Variants in ZDHHC13 observed in about 807,000 individuals in gnomAD.
ZDHHC13 encodes palmitoyltransferase ZDHHC13.
A neutral mutation model predicts 86.0 loss-of-function variants in ZDHHC13; 85 were observed. The observed-to-expected ratio is 0.99, with a 90% CI of 0.83 to 1.18. The LOEUF (loss-of-function observed/expected upper bound fraction) is 1.18, where lower values mean the gene tolerates loss of function less well. Ranked by LOEUF, ZDHHC13 falls within the 50% of genes most tolerant of loss-of-function variation. ZDHHC13 has a pLI of 0.00. For synonymous variants in ZDHHC13, 263 were observed against 246.4 expected, an observed-to-expected ratio of 1.07 and a Z score of -0.63; for missense variants, 711 against 730.2, an observed-to-expected ratio of 0.97 and a Z score of 0.30.
intron 15 of ZDHHC13, among the ~76,000 whole-genome samples, chr11:19,172,437 G>A (rs193217304): frequency 2.6e-5 from 4 of 152,312 alleles, no homozygotes; most frequent in African/African-American, 4.8e-5. Context: ...GGTATGATGA[G>A]CTGCTTTACA....
chr11:19,166,585 G>GA (rs1405394951), intron 14 of ZDHHC13, 200 bp downstream of exon 14: 6 of 384,256 alleles, frequency 1.6e-5, no homozygotes, highest in Non-Finnish European at 2.8e-5. Flanking sequence ...AGTACTTTAG[G>GA]AAAAAAATGT....
At chr11:19,128,766 G>C (rs1848928703) in intron 1 of ZDHHC13, among the ~76,000 whole-genome samples, 1 of 152,082 alleles carries the variant, frequency 6.6e-6, no homozygotes, top group Admixed American at 6.5e-5. Context: ...GTGAAAGCTA[G>C]GTAACTTTAT....
intron 13 of ZDHHC13, 54 bp downstream of exon 13, chr11:19,165,199 A>G: frequency 1.3e-6 from 2 of 1,539,082 alleles, no homozygotes. Context: ...ATGTTTAGTT[A>G]TGACTCACAG....
chr11:19,133,942 T>TATATACACAC, intron 1 of ZDHHC13, among the ~76,000 whole-genome samples: 12 of 96,100 alleles, frequency 1.2e-4, no homozygotes, highest in East Asian at 1.2e-3. Flanking sequence ...TATATATATA[T>TATATACACAC]ACACGTATGT....
chr11:19,163,198 G>A, intron 10 of ZDHHC13, 105 bp from the exon 11 acceptor site: 1 of 1,224,490 alleles, frequency 8.2e-7, no homozygotes, highest in Non-Finnish European at 1.1e-6. Context: ...GGACATGTGT[G>A]CATAAGGAAG....
At chr11:19,117,112 G>T, upstream of ZDHHC13, 2 of 916,220 alleles carry the variant, frequency 2.2e-6, no homozygotes, top group Non-Finnish European at 3.3e-6. The surrounding 1 kb of genome is among the most constrained non-coding windows in gnomAD (Gnocchi z 4.2). Context: ...TGACGGCTCA[G>T]GGCACGAGCG....
intron 14 of ZDHHC13, chr11:19,169,813 A>G (rs1172761807): frequency 3.0e-6 from 3 of 985,402 alleles, no homozygotes; most frequent in Non-Finnish European, 3.6e-6. Flanking sequence ...GACCATCTGA[A>G]TCTTGCTCTA....
chr11:19,170,126 T>G (rs751488788), intron 14 of ZDHHC13: 1 of 1,230,742 alleles, frequency 8.1e-7, no homozygotes, highest in Non-Finnish European at 1.0e-6. Flanking sequence ...GTATATCTTA[T>G]GCTGAATGCT....
intron 1 of ZDHHC13, among the ~76,000 whole-genome samples, chr11:19,137,918 A>G (rs1849190938): frequency 6.6e-6 from 1 of 151,572 alleles, no homozygotes; most frequent in Non-Finnish European, 1.5e-5. Flanking sequence ...AGCAGTGTGT[A>G]GAGGGAAATT....
At chr11:19,127,561 T>C (rs1287349677) in intron 1 of ZDHHC13, among the ~76,000 whole-genome samples, 1 of 152,210 alleles carries the variant, frequency 6.6e-6, no homozygotes, top group Non-Finnish European at 1.5e-5. Context: ...TAGGTTTTTT[T>C]CTAGGGTTTT....
intron 1 of ZDHHC13, among the ~76,000 whole-genome samples, chr11:19,132,756 G>GTTTTTT (rs1220389619): frequency 3.3e-5 from 5 of 151,938 alleles, no homozygotes; most frequent in African/African-American, 1.2e-4. Flanking sequence ...TTGTGTATTT[G>GTTTTTT]TTTTGTTTTG....
At chr11:19,175,757 T>C in intron 16 of ZDHHC13, 65 bp from the exon 17 acceptor site, 2 of 1,574,254 alleles carry the variant, frequency 1.3e-6, no homozygotes, top group Non-Finnish European at 1.7e-6. Context: ...AGATTCTCCA[T>C]AAATGTTTGT....
At chr11:19,140,878 G>A (rs978195927) in intron 1 of ZDHHC13, among the ~76,000 whole-genome samples, 12 of 134,578 alleles carry the variant, frequency 8.9e-5, no homozygotes, top group African/African-American at 3.3e-4. Context: ...AGAACACATG[G>A]ACACAGGAAG....
chr11:19,146,742 A>G (rs1849478104), intron 3 of ZDHHC13, among the ~76,000 whole-genome samples: 1 of 152,198 alleles, frequency 6.6e-6, no homozygotes, highest in Admixed American at 6.5e-5. Context: ...ATTGGATTGT[A>G]TAAAATATTT....
chr11:19,146,378 A>G, intron 3 of ZDHHC13, 75 bp downstream of exon 3: 2 of 1,523,388 alleles, frequency 1.3e-6, no homozygotes, highest in African/African-American at 1.4e-5. Context: ...TTCTTTAAGT[A>G]TGGGTATTGA....
At chr11:19,119,495 C>T (rs1228118354) in intron 1 of ZDHHC13, among the ~76,000 whole-genome samples, 1 of 152,200 alleles carries the variant, frequency 6.6e-6, no homozygotes, top group Admixed American at 6.5e-5. Context: ...ATGCTCTTTC[C>T]TTGTGTGCCC....
At position 19,155,496 on chromosome 11, in the gene ZDHHC13, G is replaced by A. The variant is rs369220993; in HGVS notation, c.874-300G>A. 1.4e-3 allele frequency among the ~76,000 whole-genome samples: 215 copies of A among 149,222 alleles called. 1 individual carries two copies. The highest frequency in any genetic ancestry group is 4.2e-3 in the African/African-American group (168 of 40,404). The stretch of plus-strand genomic sequence containing the variant: ...CTTGGGAGGCTGAGCCAAGAGAATC[G>A]CTTGAACCCAGGAGACAGAGGTTGC... On this transcript the variant is annotated intron_variant, in intron 8 of 16. Transcript: ENST00000446113.
rs914143015 is a variant in ZDHHC13 at position 19,176,225 on chromosome 11, T to C, written c.*265T>C. 6 of 286,424 alleles carry C rather than the reference T, an allele frequency of 2.1e-5. No individual in the cohort carries two copies. The highest frequency in any genetic ancestry group is 1.3e-4 in the African/African-American group (6 of 45,228). 17.7% of individuals were successfully genotyped at this position (286,424 alleles called of 1,614,324 possible). Reference sequence around the variant, plus strand: ...AAATGCAAGTTACTTTTTTTGGAAATAATACTCACTGATTATGGATAAAAT... The same window carrying C: ...AAATGCAAGTTACTTTTTTTGGAAACAATACTCACTGATTATGGATAAAAT... On this transcript the variant is annotated 3_prime_UTR_variant, in exon 17 of 17. Coordinates refer to ENST00000446113, the MANE Select transcript of ZDHHC13 (RefSeq NM_019028.3).
intron 10 of ZDHHC13, among the ~76,000 whole-genome samples, chr11:19,159,682 C>A (rs769108615): frequency 6.6e-6 from 1 of 151,774 alleles, no homozygotes. Flanking sequence ...CAAAAACAAA[C>A]AAACAAAAAA....
Sources: gnomAD v4.1 joint callset for allele counts (sites outside exome capture counted in the v4.1 genomes callset) on GRCh38, gnomAD v4.1.1 for gene constraint, Gnocchi (gnomAD v3.1) non-coding constraint, MANE v1.5 for transcripts, NCBI Gene and HGNC (gene_info 2026-07-23, HGNC 2026-07-21) for gene names.